PPP6R1: variants seen among roughly 807,000 people sequenced by gnomAD.
PPP6R1 encodes serine/threonine-protein phosphatase 6 regulatory subunit 1.
In PPP6R1, 39 loss-of-function variants were observed where a neutral mutation model predicts 104.6. The ratio of observed to expected loss-of-function variants is 0.37; its 90% CI spans 0.29 to 0.49. PPP6R1 has a LOEUF of 0.49. Ranked by LOEUF, PPP6R1 falls within the 20% of genes least tolerant of loss-of-function variation. The probability of loss-of-function intolerance (pLI) is 0.98; values close to 1 mark genes in which losing one functional copy is unlikely to be tolerated. For missense variants in PPP6R1, 1,181 were observed against 1,155.8 expected (o/e 1.02, Z -0.32); for synonymous variants, 549 against 479.0 (o/e 1.15, Z -1.91).
intron 1 of PPP6R1, among the ~76,000 whole-genome samples, chr19:55,252,710 A>AT (rs1263035224): frequency 6.6e-6 from 1 of 150,846 alleles, no homozygotes; most frequent in African/African-American, 2.4e-5. Context: ...TAATTTTTGC[A>AT]TTTTTTTAGT....
Position 55,246,866 on chromosome 19 carries a change from G to T in PPP6R1, c.227+11C>A. 1.3e-6 allele frequency: 2 copies of T among 1,573,558 alleles called. No individual in the cohort carries two copies. The highest frequency in any genetic ancestry group is 8.6e-7 in the Non-Finnish European group (1 of 1,157,558). ...GATAGGGACGGGCTGGCCAGGAGCT[G>T]GGGAACTCACTTGTAGCGCAGCCGC... On this transcript the variant is annotated intron_variant, in intron 2 of 23. Coordinates refer to ENST00000412770, the MANE Select transcript of PPP6R1 (RefSeq NM_014931.4).
rs557987423 is a variant in PPP6R1 at position 55,229,780 on chromosome 19, C to T, written c.*748G>A. On this transcript the variant is annotated 3_prime_UTR_variant, in exon 24 of 24. Transcript: ENST00000412770. ...GAACGTAAGGTCTGACCAGCAGAAT[C>T]GTAAACTGCCTTCCTTTATTTATAT... 5 of 152,442 alleles carry T rather than the reference C, an allele frequency of 3.3e-5. No homozygotes were observed. Among genetic ancestry groups the T allele is most frequent in the African/African-American group, 9.6e-5 (4 of 41,462 alleles). 9.4% of individuals were successfully genotyped at this position (152,442 alleles called of 1,614,324 possible). A position where few individuals can be genotyped will look rare whatever the true frequency, so the allele number is the denominator to read the frequency against.
At chr19:55,258,064 G>A (rs1411069582) in intron 1 of PPP6R1, among the ~76,000 whole-genome samples, 1 of 152,212 alleles carries the variant, frequency 6.6e-6, no homozygotes, top group Non-Finnish European at 1.5e-5. Flanking sequence ...GTGTAAGCAG[G>A]CAAAGTCCAG....
At chr19:55,238,292 A>C (rs2087417214) in intron 15 of PPP6R1, among the ~76,000 whole-genome samples, 1 of 152,216 alleles carries the variant, frequency 6.6e-6, no homozygotes, top group African/African-American at 2.4e-5. Context: ...CTGGGCACAG[A>C]AGCAGCCAAC....
intron 17 of PPP6R1, among the ~76,000 whole-genome samples, chr19:55,233,355 T>C (rs1235400054): frequency 2.6e-5 from 4 of 152,194 alleles, no homozygotes; most frequent in South Asian, 4.1e-4. Context: ...CATGCTTACA[T>C]GGCAAAACGC....
At chr19:55,232,975 T>C (rs28399219) in intron 17 of PPP6R1, 15,257 of 152,282 alleles carry the variant, frequency 0.1, 1,047 homozygotes, top group African/African-American at 0.19. Flanking sequence ...CTCTGTGGTA[T>C]AGCCTATTGT....
chr19:55,256,634 G>A (rs1568952846), intron 1 of PPP6R1, among the ~76,000 whole-genome samples: 1 of 152,190 alleles, frequency 6.6e-6, no homozygotes, highest in East Asian at 1.9e-4. Flanking sequence ...CCACAGCAGG[G>A]CACCAGAGCA....
chr19:55,245,237 C>T lies in PPP6R1; in HGVS notation c.552+28G>A, dbSNP rs200157485. 168 of 1,601,568 alleles carry T rather than the reference C, an allele frequency of 1.0e-4. No homozygotes were observed. In the Admixed American group the frequency reaches 2.8e-3, roughly 26 times the overall value. ...TCGCTGTCCACCACGCCCAGCCCCC[C>T]ACCCCCAGAGGAGCCGGCCCTGCTC... On this transcript the variant is annotated intron_variant, in intron 4 of 23. Coordinates refer to ENST00000412770, the MANE Select transcript of PPP6R1 (RefSeq NM_014931.4). This position sits in a 1 kb window ranked among gnomAD's most constrained non-coding sequence, Gnocchi z 6.4.
Position 55,239,477 on chromosome 19 carries a change from C to A in PPP6R1, c.1679G>T (p.Arg560Leu). The A allele has an allele frequency of 6.2e-7, 1 of 1,613,940 alleles. No homozygotes were observed. The highest frequency in any genetic ancestry group is 8.5e-7 in the Non-Finnish European group (1 of 1,179,870). Residue 560 changes from arginine (R) to leucine (L), a missense_variant, in exon 15 of 24, where the codon CGC (arginine) becomes CTC (leucine). Around this residue, in one of 2 missense-constraint regions of PPP6R1, gnomAD observed 1,042 missense variants for 955.6 expected, o/e 1.09. Transcript: ENST00000412770. The part of the protein sequence containing the change: ...QQAFMDFQMQ[R>L]MTSAFIDHFG... The stretch of plus-strand genomic sequence containing the variant: ...GTGGTCAATGAAGGCAGAGGTCATG[C>A]GCTGCATCTGGAAGTCCATGAAGGC...
intron 13 of PPP6R1, 24 bp from the exon 14 acceptor site, chr19:55,239,707 G>C: frequency 1.3e-6 from 2 of 1,598,514 alleles, no homozygotes; most frequent in South Asian, 1.1e-5. Context: ...GGGGCGTCAG[G>C]GCCTGCTGGA....
intron 1 of PPP6R1, among the ~76,000 whole-genome samples, chr19:55,249,938 T>G (rs1398162776): frequency 1.3e-5 from 2 of 152,046 alleles, no homozygotes; most frequent in Non-Finnish European, 1.5e-5. Context: ...CTCGTGCCCC[T>G]GCCCAGCCAG....
chr19:55,256,604 GT>G, intron 1 of PPP6R1, among the ~76,000 whole-genome samples: 1 of 152,324 alleles, frequency 6.6e-6, no homozygotes, highest in Non-Finnish European at 1.5e-5. Context: ...GAACCCACGA[GT>G]TTGAAATCAG....
At chr19:55,255,364 AGTTAGG>A (rs1301428107) in intron 1 of PPP6R1, among the ~76,000 whole-genome samples, 1 of 152,234 alleles carries the variant, frequency 6.6e-6, no homozygotes, top group Non-Finnish European at 1.5e-5. Context: ...AAAGGGGCAG[AGTTAGG>A]GTTACAGTGT....
At chr19:55,256,023 G>C (rs2087590477) in intron 1 of PPP6R1, among the ~76,000 whole-genome samples, 1 of 152,206 alleles carries the variant, frequency 6.6e-6, no homozygotes, top group Non-Finnish European at 1.5e-5. Context: ...TTGAATTAAT[G>C]AAAACTGAAG....
downstream of PPP6R1, chr19:55,228,523 C>T (rs531872515): frequency 1.1e-5 from 17 of 1,564,108 alleles, no homozygotes; most frequent in South Asian, 1.2e-4. Context: ...GTCCCACCCC[C>T]ACCTGGGACC....
Position 55,230,494 on chromosome 19 carries a change from C to G in PPP6R1, c.*34G>C, listed in dbSNP as rs371861942. The G allele has an allele frequency of 1.2e-6, 2 of 1,612,642 alleles. No individual in the cohort carries two copies. The highest frequency in any genetic ancestry group is 1.7e-6 in the Non-Finnish European group (2 of 1,179,678). ...CCACCCCGGGAGATCCACGGGAGGA[C>G]GGAAGATTTGGCCGCCGCTGCCGCA... On this transcript the variant is annotated 3_prime_UTR_variant, in exon 24 of 24. Transcript: ENST00000412770.
In PPP6R1 at chr19:55,239,773, G is replaced by GC. The variant is rs572716710; in HGVS notation, c.1563+52dup. On this transcript the variant is annotated intron_variant, in intron 13 of 23. Transcript: ENST00000412770. ...CGGTGGCGGTGGGAGGCTAAGACTG[G>GC]CCCAAGAGAGAGAAGCAGCAGGAGG... 4.3e-3 allele frequency: 6,869 copies of GC among 1,597,928 alleles called. 32 individuals carry two copies. Among genetic ancestry groups the GC allele is most frequent in the Non-Finnish European group, 5.3e-3 (6,164 of 1,168,910 alleles).
chr19:55,228,763 C>T (rs372973416), downstream of PPP6R1: 15 of 1,611,880 alleles, frequency 9.3e-6, no homozygotes, highest in African/African-American at 1.1e-4. Flanking sequence ...AGCCCCAGAG[C>T]GACCTAATCT....
intron 7 of PPP6R1, 43 bp downstream of exon 7, chr19:55,242,123 T>C (rs1250034552): frequency 6.4e-7 from 1 of 1,573,450 alleles, no homozygotes; most frequent in Non-Finnish European, 8.7e-7. Flanking sequence ...GGAGAGCCCC[T>C]GGGGATGGGC....
Sources: allele counts gnomAD v4.1 joint callset (sites outside exome capture counted in the v4.1 genomes callset), GRCh38; gene constraint gnomAD v4.1.1; regional missense constraint gnomAD v4.1.1; non-coding constraint Gnocchi (gnomAD v3.1); transcripts MANE v1.5; gene names NCBI Gene and HGNC (gene_info 2026-07-23, HGNC 2026-07-21).